The following CSTPP1 variants were observed in gnomAD, a reference collection of about 807,000 sequenced individuals.
CSTPP1 encodes the protein centriolar satellite-associated tubulin polyglutamylase complex regulator 1.
the CSTPP1 span, among the ~76,000 whole-genome samples, chr11:47,015,385 A>C: frequency 6.6e-6 from 1 of 152,030 alleles, no homozygotes; most frequent in Admixed American, 6.6e-5. Flanking sequence ...GAGGCAGGAG[A>C]ATCACTTGAA....
the CSTPP1 span, among the ~76,000 whole-genome samples, chr11:47,037,474 G>A: frequency 8.5e-6 from 1 of 117,842 alleles, no homozygotes; most frequent in East Asian, 2.2e-4. Context: ...GTGGAGGGAA[G>A]GTCAGCAGAT....
At chr11:47,117,703 T>C in the CSTPP1 span, among the ~76,000 whole-genome samples, 10,453 of 152,224 alleles carry the variant, frequency 0.069, 550 homozygotes, top group Middle Eastern at 0.13. Context: ...GAAGTTCTCC[T>C]GGATAACATC....
At chr11:47,009,622 C>T in the CSTPP1 span, among the ~76,000 whole-genome samples, 9 of 152,108 alleles carry the variant, frequency 5.9e-5, no homozygotes, top group Admixed American at 5.9e-4. Context: ...CATGGTGAAA[C>T]CCCATTTCTA....
chr11:47,152,603 G>A, the CSTPP1 span, among the ~76,000 whole-genome samples: 1 of 152,236 alleles, frequency 6.6e-6, no homozygotes, highest in Non-Finnish European at 1.5e-5. Context: ...GCCTATTGGT[G>A]AGAATTGCAA....
At chr11:47,145,335 A>G in the CSTPP1 span, among the ~76,000 whole-genome samples, 1 of 152,060 alleles carries the variant, frequency 6.6e-6, no homozygotes, top group African/African-American at 2.4e-5. Flanking sequence ...CACGCCTGTA[A>G]TCCCAGCACT....
the CSTPP1 span, among the ~76,000 whole-genome samples, chr11:46,977,479 A>G: frequency 6.6e-6 from 1 of 152,198 alleles, no homozygotes; most frequent in South Asian, 2.1e-4. Context: ...TGCATTTTCT[A>G]TATCTTTTTC....
At chr11:47,158,432 T>C in the CSTPP1 span, among the ~76,000 whole-genome samples, 1 of 152,206 alleles carries the variant, frequency 6.6e-6, no homozygotes, top group African/African-American at 2.4e-5. Context: ...GCTGTTTTTT[T>C]TCACTGAGCC....
At chr11:47,077,566 A>G in the CSTPP1 span, among the ~76,000 whole-genome samples, 1 of 152,192 alleles carries the variant, frequency 6.6e-6, no homozygotes, top group African/African-American at 2.4e-5. Context: ...TTTCTCATGA[A>G]ACTACTGAAG....
chr11:46,961,991 G>A, the CSTPP1 span, among the ~76,000 whole-genome samples: 2 of 152,158 alleles, frequency 1.3e-5, no homozygotes, highest in African/African-American at 4.8e-5. Flanking sequence ...AAGCAAACAC[G>A]TCCTTCACAT....
the CSTPP1 span, among the ~76,000 whole-genome samples, chr11:46,965,166 CATTA>C: frequency 6.8e-6 from 1 of 146,672 alleles, no homozygotes; most frequent in Non-Finnish European, 1.5e-5. Flanking sequence ...AAAATTTAAA[CATTA>C]ATTCATTTAA....
chr11:47,014,577 A>C, the CSTPP1 span, among the ~76,000 whole-genome samples: 2 of 151,660 alleles, frequency 1.3e-5, no homozygotes, highest in Non-Finnish European at 2.9e-5. Flanking sequence ...GTGGTGCATG[A>C]CTATAATCCC....
At chr11:46,948,985 G>A in the CSTPP1 span, among the ~76,000 whole-genome samples, 2 of 152,082 alleles carry the variant, frequency 1.3e-5, no homozygotes, top group Non-Finnish European at 2.9e-5. Context: ...GCTACCATGT[G>A]AGTAAGTCAT....
the CSTPP1 span, among the ~76,000 whole-genome samples, chr11:47,079,013 T>C: frequency 3.3e-5 from 5 of 152,178 alleles, no homozygotes; most frequent in African/African-American, 7.2e-5. Context: ...TGGCGTTTCC[T>C]TGGAGTGTCT....
At chr11:46,974,994 A>T in the CSTPP1 span, among the ~76,000 whole-genome samples, 1 of 151,468 alleles carries the variant, frequency 6.6e-6, no homozygotes, top group Non-Finnish European at 1.5e-5. Flanking sequence ...AAAATAAAGA[A>T]AAAAAAGTCT....
the CSTPP1 span, among the ~76,000 whole-genome samples, chr11:47,099,904 A>T: frequency 6.6e-6 from 1 of 152,144 alleles, no homozygotes; most frequent in South Asian, 2.1e-4. Context: ...CAATTCATTG[A>T]CAGTTGCCGC....
At chr11:47,012,107 TAAA>T in the CSTPP1 span, among the ~76,000 whole-genome samples, 4 of 140,950 alleles carry the variant, frequency 2.8e-5, no homozygotes, top group Admixed American at 1.4e-4. Context: ...GTACCTCGTT[TAAA>T]AAAAAAAAAA....
chr11:47,072,471 T>C, the CSTPP1 span, among the ~76,000 whole-genome samples: 1 of 152,188 alleles, frequency 6.6e-6, no homozygotes, highest in Non-Finnish European at 1.5e-5. Flanking sequence ...GGCCATCCAA[T>C]TGAGATGAAA....
chr11:47,100,202 GA>G, the CSTPP1 span, among the ~76,000 whole-genome samples: 8 of 152,110 alleles, frequency 5.3e-5, no homozygotes, highest in Non-Finnish European at 1.0e-4. Context: ...AAGATATGAA[GA>G]TTTTTTTTTG....
chr11:47,062,523 G>A, the CSTPP1 span, among the ~76,000 whole-genome samples: 1 of 152,140 alleles, frequency 6.6e-6, no homozygotes, highest in Non-Finnish European at 1.5e-5. Context: ...CATGTTTAAA[G>A]TGTTCCACTA....
Sources: allele counts gnomAD v4.1 joint callset (sites outside exome capture counted in the v4.1 genomes callset), GRCh38; gene constraint gnomAD v4.1.1; transcripts MANE v1.5; gene names NCBI Gene and HGNC (gene_info 2026-07-23, HGNC 2026-07-21).